KIAA1614: variants seen among roughly 807,000 people sequenced by gnomAD.
The protein encoded by KIAA1614 is uncharacterized protein KIAA1614.
KIAA1614 carries 76 observed loss-of-function variants against 88.7 expected under a neutral mutation model. The ratio of observed to expected loss-of-function variants is 0.86; its 90% confidence interval spans 0.71 to 1.04. KIAA1614 has a LOEUF of 1.04. KIAA1614 is among the 50% of genes least tolerant of loss of function. The pLI is 0.00. For synonymous variants in KIAA1614, 714 were observed against 675.5 expected (o/e 1.06, Z -0.88); for missense variants, 1,553 against 1,582.5 (o/e 0.98, Z 0.32).
chr1:180,935,240 GC>G lies in KIAA1614; in HGVS notation c.1335del (p.Ser446ArgfsTer31). ...ESSGGHRPRRGPSPSHVRFED... is the reference protein window; with the variant it reads ...ESSGGHRPRRXPSPSHVRFED... ...AGCGGTGGGCACAGGCCGAGGCGGGGCCCCTCGCCGTCGCACGTGCGCTTTG... is the reference window on the plus strand; with the variant it reads ...AGCGGTGGGCACAGGCCGAGGCGGGGCCCTCGCCGTCGCACGTGCGCTTTG... On this transcript the variant is annotated frameshift_variant, in exon 5 of 9. Transcript: ENST00000367588. LOFTEE classifies it high-confidence loss of function. The surrounding 1 kb of genome is among the most constrained non-coding windows in gnomAD (Gnocchi z 6.1). The G allele has an allele frequency of 1.3e-6, 2 of 1,531,124 alleles. No individual in the cohort carries two copies. The highest frequency in any genetic ancestry group is 1.8e-6 in the Non-Finnish European group (2 of 1,142,378). 94.8% of individuals were successfully genotyped at this position (1,531,124 alleles called of 1,614,324 possible). A position where few individuals can be genotyped will look rare whatever the true frequency, so the allele number is the denominator to read the frequency against.
rs752321726 is a variant in KIAA1614, at chr1:180,917,008, T to C, written c.905T>C (p.Leu302Pro). The stretch of plus-strand genomic sequence containing the variant: ...TCTGATCGGGTGGAGAGAAACCGCC[T>C]GTTGCTGCAGGAGATGCTCAACGTT... ...SLSDRVERNR[L>P]LLQEMLNVSG... The change falls in exon 2 of 9, where the codon CTG becomes CCG. Residue 302 changes from leucine (L) to proline (P), a missense_variant. Leu to Pro is a moderately conservative substitution (Grantham distance 98). Transcript: ENST00000367588. The C allele has an allele frequency of 6.2e-7, 1 of 1,614,004 alleles. No homozygotes were observed. Among genetic ancestry groups the C allele is most frequent in the Non-Finnish European group, 8.5e-7 (1 of 1,180,024 alleles).
chr1:180,924,603 T>C (rs1470325493), intron 3 of KIAA1614, among the ~76,000 whole-genome samples: 1 of 152,236 alleles, frequency 6.6e-6, no homozygotes, highest in Middle Eastern at 3.2e-3. Context: ...CTATTGACTG[T>C]CTGGGAGTCA....
At position 180,916,621 on chromosome 1, in the gene KIAA1614, C is replaced by T; in HGVS notation, c.518C>T (p.Pro173Leu). Residue 173 changes from proline to leucine, a missense_variant, in exon 2 of 9, where the codon CCT (proline) becomes CTT (leucine). Transcript: ENST00000367588. ...RDGGPRLPRP[P>L]APGREYCNRG... ...GGAGGCCCCAGGCTTCCCAGGCCGCCTGCCCCTGGACGTGAGTACTGCAAC... is the reference window on the plus strand; with the variant it reads ...GGAGGCCCCAGGCTTCCCAGGCCGCTTGCCCCTGGACGTGAGTACTGCAAC... The T allele has an allele frequency of 6.2e-7, 1 of 1,602,076 alleles. No homozygotes were observed. Among genetic ancestry groups the T allele is most frequent in the Non-Finnish European group, 8.5e-7 (1 of 1,173,180 alleles).
In KIAA1614 at chr1:180,945,327, T is replaced by C; in HGVS notation, c.3312T>C (p.Arg1104=). 6.3e-7 allele frequency: 1 copy of C among 1,587,300 alleles called. No individual in the cohort carries two copies. Among genetic ancestry groups the C allele is most frequent in the South Asian group, 1.2e-5 (1 of 86,818 alleles). ...AGRPAKTSPR[R]ALSVEDVGAP... ...GGCCGGCCAAGACTTCACCACGGCG[T>C]GCCCTCAGTGTGGAGGACGTGGGTG... Residue 1104 remains arginine, a synonymous_variant, in exon 9 of 9, where the codon CGT becomes CGC. Coordinates refer to ENST00000367588, the MANE Select transcript of KIAA1614 (RefSeq NM_020950.2).
intron 4 of KIAA1614, among the ~76,000 whole-genome samples, chr1:180,930,650 A>T (rs1340268755): frequency 6.6e-6 from 1 of 152,176 alleles, no homozygotes; most frequent in Non-Finnish European, 1.5e-5. Context: ...CTAGCAGCTC[A>T]CAACAACCCC....
chr1:180,939,704 T>A (rs545188351), intron 6 of KIAA1614, among the ~76,000 whole-genome samples: 3 of 152,334 alleles, frequency 2.0e-5, no homozygotes, highest in East Asian at 3.9e-4. Flanking sequence ...AATGGTGTCA[T>A]TCTCCTACTG....
intron 1 of KIAA1614, among the ~76,000 whole-genome samples, chr1:180,913,520 G>A (rs753569149): frequency 2.2e-4 from 34 of 152,202 alleles, no homozygotes; most frequent in Non-Finnish European, 3.7e-4. Flanking sequence ...AGGCAGCTCC[G>A]AGCTGACCGA....
At chr1:180,929,971 C>A (rs1217416457) in intron 4 of KIAA1614, among the ~76,000 whole-genome samples, 1 of 152,222 alleles carries the variant, frequency 6.6e-6, no homozygotes, top group Non-Finnish European at 1.5e-5. Context: ...CATGGAACCA[C>A]TGAGACGACT....
intron 3 of KIAA1614, among the ~76,000 whole-genome samples, chr1:180,919,789 T>A (rs1170059229): frequency 6.6e-6 from 1 of 152,126 alleles, no homozygotes; most frequent in Non-Finnish European, 1.5e-5. Context: ...GAGATGGTAT[T>A]TGTGTAGAAT....
intron 1 of KIAA1614, 117 bp downstream of exon 1, chr1:180,913,410 G>A (rs1196491500): frequency 3.5e-6 from 2 of 578,484 alleles, no homozygotes; most frequent in Non-Finnish European, 5.1e-6. Flanking sequence ...CCACGGGCTC[G>A]GAGCTGGAAG....
chr1:180,920,524 G>A (rs1489624850), intron 3 of KIAA1614, among the ~76,000 whole-genome samples: 1 of 152,224 alleles, frequency 6.6e-6, no homozygotes, highest in Non-Finnish European at 1.5e-5. Flanking sequence ...GAGCCCCTTG[G>A]ATCTTCTGAG....
Position 180,916,967 on chromosome 1 carries a change from C to T in KIAA1614, c.864C>T (p.Ser288=), listed in dbSNP as rs757154034. Residue 288 remains serine, a synonymous_variant, in exon 2 of 9, where the codon AGC becomes AGT. Coordinates refer to ENST00000367588, the MANE Select transcript of KIAA1614 (RefSeq NM_020950.2). ...AGDLEALGAG[S]SVLSLSDRVE... ...ACCTGGAGGCTCTGGGCGCTGGGAG[C>T]AGTGTCTTGTCCCTGTCTGATCGGG... 6.2e-6 allele frequency: 10 copies of T among 1,614,196 alleles called. No individual in the cohort carries two copies. Among genetic ancestry groups the T allele is most frequent in the Middle Eastern group, 1.6e-4 (1 of 6,062 alleles).
At chr1:180,941,006 G>GGCCGCCC in intron 6 of KIAA1614, 39 bp from the exon 7 acceptor site, 2 of 908,444 alleles carry the variant, frequency 2.2e-6, no homozygotes, top group Non-Finnish European at 1.5e-6. Context: ...CACCCTCCCG[G>GGCCGCCC]CCCTCCCCCG....
At position 180,948,935 on chromosome 1, in the gene KIAA1614, C is replaced by T. The variant is rs73049936; in HGVS notation, c.*3347C>T. On this transcript the variant is annotated 3_prime_UTR_variant, in exon 9 of 9. Coordinates refer to ENST00000367588, the MANE Select transcript of KIAA1614 (RefSeq NM_020950.2). ...GGTGAAGATCAGTGCTCTTTCAAAC[C>T]CACACTTCAGAGGCAGGCTTTAAAA... 10,724 of 152,302 alleles carry T rather than the reference C, an allele frequency of 0.07. 458 individuals are homozygous for T. The highest frequency in any genetic ancestry group is 0.15 in the East Asian group (751 of 5,172). 9.4% of individuals were successfully genotyped at this position (152,302 alleles called of 1,614,324 possible).
Position 180,916,232 on chromosome 1 carries a change from G to T in KIAA1614, c.129G>T (p.Gln43His), listed in dbSNP as rs533522709. The T allele has an allele frequency of 6.2e-6, 10 of 1,613,354 alleles. No individual in the cohort carries two copies. Among genetic ancestry groups the T allele is most frequent in the African/African-American group, 4.0e-5 (3 of 75,054 alleles). Residue 43 changes from glutamine to histidine, a missense_variant, in exon 2 of 9, where the codon CAG becomes CAT. Physicochemically the swap from Gln to His is conservative, Grantham distance 24. Transcript: ENST00000367588. ...TGGAGTGGAGTGGTCCTGAGCCACA[G>T]CTGGATAACGGACACCCCCCAAGAC... ...SAVEWSGPEPQLDNGHPPRPW... is the reference protein window; with the variant it reads ...SAVEWSGPEPHLDNGHPPRPW...
In KIAA1614 at chr1:180,946,546, T is replaced by TC. The variant is rs1240855171; in HGVS notation, c.*962dup. The TC allele has an allele frequency of 6.6e-6, 1 of 151,918 alleles. No individual in the cohort carries two copies. Among genetic ancestry groups the TC allele is most frequent in the African/African-American group, 2.4e-5 (1 of 41,254 alleles). 9.4% of individuals were successfully genotyped at this position (151,918 alleles called of 1,614,324 possible). ...CATCTCAAGGGCCCATAAAAGACAT[T>TC]CCCCAGAGGATCAGGGAAGGAAGAC... On this transcript the variant is annotated 3_prime_UTR_variant, in exon 9 of 9. Coordinates refer to ENST00000367588, the MANE Select transcript of KIAA1614 (RefSeq NM_020950.2).
At position 180,943,096 on chromosome 1, in the gene KIAA1614, T is replaced by A. The variant is rs1276096366; in HGVS notation, c.3160-1293T>A. On this transcript the variant is annotated intron_variant, in intron 7 of 8. Transcript: ENST00000367588. ...GGCTGGAGTGCAGTGGCGCAATGTC[T>A]GCTCACTGCAACCTCGACCTCCCAG... is the stretch of plus-strand genomic sequence containing the variant. Among the ~76,000 whole-genome samples, 3 of 151,502 alleles carry A rather than the reference T, an allele frequency of 2.0e-5. No individual in the cohort carries two copies. In the East Asian group the frequency reaches 5.9e-4, roughly 30 times the overall value.
At chr1:180,933,479 T>C (rs1389045443) in intron 4 of KIAA1614, among the ~76,000 whole-genome samples, 3 of 151,982 alleles carry the variant, frequency 2.0e-5, no homozygotes, top group Admixed American at 2.0e-4. Context: ...AAGTGATAAA[T>C]GAAAGAAACA....
At position 180,946,827 on chromosome 1, in the gene KIAA1614, A is replaced by C. The variant is rs1654606780; in HGVS notation, c.*1239A>C. ...AGCAAATATATACTAAGCACCTACT[A>C]TGTGTTATAGATACGGGGGATACAG... On this transcript the variant is annotated 3_prime_UTR_variant, in exon 9 of 9. Transcript: ENST00000367588. The C allele has an allele frequency of 1.3e-5, 2 of 152,206 alleles. No homozygotes were observed. Among genetic ancestry groups the C allele is most frequent in the Non-Finnish European group, 2.9e-5 (2 of 68,050 alleles). The allele number at this position is 152,206 out of a possible 1,614,324, so 9.4% of individuals were successfully genotyped here.
Sources: allele counts gnomAD v4.1 joint callset (sites outside exome capture counted in the v4.1 genomes callset), GRCh38; gene constraint gnomAD v4.1.1; non-coding constraint Gnocchi (gnomAD v3.1); transcripts MANE v1.5; gene names NCBI Gene and HGNC (gene_info 2026-07-23, HGNC 2026-07-21).